Variants in SRGAP3 observed in about 807,000 individuals in gnomAD.
SRGAP3 encodes the protein SLIT-ROBO Rho GTPase-activating protein 3.
In SRGAP3, 39 loss-of-function variants were observed where a neutral mutation model predicts 121.1. The observed-to-expected ratio is 0.32, with a 90% CI of 0.25 to 0.42. The LOEUF (loss-of-function observed/expected upper bound fraction) is 0.42, where lower values mean the gene tolerates loss of function less well. Ranked by LOEUF, SRGAP3 falls within the 10% of genes least tolerant of loss-of-function variation. SRGAP3 has a pLI of 1.00. For missense variants in SRGAP3, 1,213 were observed against 1,470.6 expected (o/e 0.82, Z 2.86); for synonymous variants, 601 against 570.0 (o/e 1.05, Z -0.77).
At chr3:9,075,987 A>G (rs1327884152) in intron 4 of SRGAP3, among the ~76,000 whole-genome samples, 1 of 152,120 alleles carries the variant, frequency 6.6e-6, no homozygotes, top group Non-Finnish European at 1.5e-5. Context: ...CTGTAAGGGG[A>G]GGGGGCCTTG....
intron 18 of SRGAP3, among the ~76,000 whole-genome samples, chr3:8,997,543 T>G (rs1200819156): frequency 6.6e-6 from 1 of 152,188 alleles, no homozygotes; most frequent in Non-Finnish European, 1.5e-5. Context: ...CATAAGGCCC[T>G]CCAGGATCCC....
intron 9 of SRGAP3, 45 bp from the exon 10 acceptor site, chr3:9,047,520 G>A (rs1420804891): frequency 6.3e-7 from 1 of 1,584,734 alleles, no homozygotes; most frequent in African/African-American, 1.3e-5. Flanking sequence ...GCAAGGCCGA[G>A]TAATGGGATC....
At chr3:9,294,566 T>C (rs1954920636) in intron 3 of SRGAP3, among the ~76,000 whole-genome samples, 2 of 151,510 alleles carry the variant, frequency 1.3e-5, no homozygotes, top group African/African-American at 2.4e-5. Context: ...AAAACACCAA[T>C]TCTTGCAAGC....
chr3:9,160,079 T>A (rs1213140358), intron 1 of SRGAP3, among the ~76,000 whole-genome samples: 1 of 152,230 alleles, frequency 6.6e-6, no homozygotes, highest in Non-Finnish European at 1.5e-5. Context: ...AATCCCAGTG[T>A]TACCACTGGC....
Position 8,994,478 on chromosome 3 carries a change from C to A in SRGAP3, c.2273G>T (p.Arg758Leu). 11 of 1,614,180 alleles carry A rather than the reference C, an allele frequency of 6.8e-6. No individual in the cohort carries two copies. Among genetic ancestry groups the A allele is most frequent in the Non-Finnish European group, 8.5e-6 (10 of 1,180,042 alleles). ...EAIAKFDYMG[R>L]SPRELSFKKG... ...CTTGAAGGATAGCTCACGCGGGGAC[C>A]GCCCCATGTAGTCAAACTTGGCAAT... Residue 758 changes from arginine (R) to leucine (L), a missense_variant, in exon 19 of 22, where the codon CGG becomes CTG. By Grantham distance (102) the Arg-to-Leu change is moderately radical. Coordinates refer to ENST00000383836, the MANE Select transcript of SRGAP3 (RefSeq NM_014850.4).
chr3:8,995,661 A>G (rs1942356146), intron 18 of SRGAP3, among the ~76,000 whole-genome samples: 1 of 152,222 alleles, frequency 6.6e-6, no homozygotes. Context: ...GCATGGTTTA[A>G]GGACCATACA....
At chr3:9,018,642 TG>T (rs1943759740) in intron 14 of SRGAP3, among the ~76,000 whole-genome samples, 1 of 152,252 alleles carries the variant, frequency 6.6e-6, no homozygotes, top group South Asian at 2.1e-4. Context: ...TCAATAAAGC[TG>T]CTAAAAATGT....
At chr3:9,155,991 A>G (rs1467937243) in intron 1 of SRGAP3, among the ~76,000 whole-genome samples, 1 of 151,800 alleles carries the variant, frequency 6.6e-6, no homozygotes, top group African/African-American at 2.4e-5. Context: ...AATTTTTTGT[A>G]TTTTTAGTAG....
intron 14 of SRGAP3, among the ~76,000 whole-genome samples, chr3:9,018,822 A>C (rs542243787): frequency 1.9e-4 from 29 of 152,306 alleles, no homozygotes; most frequent in African/African-American, 6.7e-4. Flanking sequence ...CAAAAGTTGC[A>C]CTCAGAAAAG....
At chr3:9,060,962 G>A (rs1946143020) in intron 5 of SRGAP3, among the ~76,000 whole-genome samples, 2 of 152,142 alleles carry the variant, frequency 1.3e-5, no homozygotes, top group African/African-American at 2.4e-5. Context: ...CCCTGGCCAG[G>A]AGCGTTGGCC....
At chr3:9,204,581 T>C (rs1475505975) in intron 1 of SRGAP3, among the ~76,000 whole-genome samples, 2 of 152,076 alleles carry the variant, frequency 1.3e-5, no homozygotes, top group Non-Finnish European at 2.9e-5. Context: ...AAAACAGAAA[T>C]TCTTTTCTCC....
chr3:9,049,236 CTG>C (rs150394340), intron 9 of SRGAP3: 23,300 of 365,988 alleles, frequency 0.064, 927 homozygotes, highest in Middle Eastern at 0.11. Context: ...ACAAATAAGA[CTG>C]GGGTCACCTC....
intron 1 of SRGAP3, among the ~76,000 whole-genome samples, chr3:9,340,150 C>T (rs1367552566): frequency 6.6e-6 from 1 of 152,170 alleles, no homozygotes; most frequent in Non-Finnish European, 1.5e-5. Context: ...AAGATTCTGC[C>T]AGCACTTTCA....
chr3:9,279,311 A>G (rs1224107852), intron 3 of SRGAP3, among the ~76,000 whole-genome samples: 1 of 152,116 alleles, frequency 6.6e-6, no homozygotes, highest in Non-Finnish European at 1.5e-5. Flanking sequence ...CCCAAAACAC[A>G]AAGTGCTATT....
At chr3:9,215,225 T>A (rs1009222446) in intron 1 of SRGAP3, among the ~76,000 whole-genome samples, 1 of 152,230 alleles carries the variant, frequency 6.6e-6, no homozygotes, top group Non-Finnish European at 1.5e-5. Context: ...ATTTTACCTT[T>A]TTCCACCCAA....
intron 1 of SRGAP3, among the ~76,000 whole-genome samples, chr3:9,238,718 G>A (rs1953511286): frequency 6.6e-6 from 1 of 152,164 alleles, no homozygotes; most frequent in Non-Finnish European, 1.5e-5. Flanking sequence ...AGAGCCCTAG[G>A]GAGGCACCAG....
At chr3:9,008,772 C>A (rs375698547) in intron 18 of SRGAP3, among the ~76,000 whole-genome samples, 1 of 152,060 alleles carries the variant, frequency 6.6e-6, no homozygotes, top group Admixed American at 6.5e-5. Context: ...TCCTGTGACC[C>A]GGGTCTGACC....
chr3:9,344,909 C>T (rs776691606), intron 1 of SRGAP3, among the ~76,000 whole-genome samples: 3 of 151,118 alleles, frequency 2.0e-5, no homozygotes, highest in East Asian at 2.0e-4. Flanking sequence ...TGGTGGCGTG[C>T]GCCTGTAGTC....
At chr3:9,226,357 C>A (rs1271133077) in intron 1 of SRGAP3, among the ~76,000 whole-genome samples, 2 of 152,200 alleles carry the variant, frequency 1.3e-5, no homozygotes, top group Non-Finnish European at 2.9e-5. Context: ...CCTTCTAAGT[C>A]ACCTAGAACA....
Sources: gnomAD v4.1 joint callset for allele counts (sites outside exome capture counted in the v4.1 genomes callset) on GRCh38, gnomAD v4.1.1 for gene constraint, MANE v1.5 for transcripts, NCBI Gene and HGNC (gene_info 2026-07-23, HGNC 2026-07-21) for gene names.